TAFA4: variants seen among roughly 807,000 people sequenced by gnomAD.
TAFA4 encodes the protein chemokine-like protein TAFA-4.
In TAFA4, 20 loss-of-function variants were observed where a neutral mutation model predicts 21.1. The observed-to-expected ratio is 0.95, with a 90% CI of 0.67 to 1.38. The LOEUF is 1.38. TAFA4 is among the 40% of genes most tolerant of loss of function. The pLI is 0.00. For synonymous variants in TAFA4, 71 were observed against 67.4 expected, an observed-to-expected ratio of 1.05 and a Z score of -0.26; for missense variants, 211 against 180.9, an observed-to-expected ratio of 1.17 and a Z score of -0.95.
At chr3:68,849,474 A>G (rs1052935152) in intron 3 of TAFA4, among the ~76,000 whole-genome samples, 3 of 152,200 alleles carry the variant, frequency 2.0e-5, no homozygotes, top group African/African-American at 7.2e-5. Flanking sequence ...ACTCTGTGAG[A>G]GGCCCTAAGA....
At chr3:68,837,029 G>A (rs1443118494) in intron 3 of TAFA4, among the ~76,000 whole-genome samples, 1 of 152,206 alleles carries the variant, frequency 6.6e-6, no homozygotes, top group Non-Finnish European at 1.5e-5. Flanking sequence ...ATTTGTTTGA[G>A]TAAATAAAGT....
At chr3:68,873,832 T>C (rs1232314964) in intron 3 of TAFA4, among the ~76,000 whole-genome samples, 1 of 152,178 alleles carries the variant, frequency 6.6e-6, no homozygotes, top group Non-Finnish European at 1.5e-5. Flanking sequence ...AAGACACACC[T>C]CTTGACTCCT....
intron 1 of TAFA4, among the ~76,000 whole-genome samples, chr3:68,892,586 G>A (rs2089741315): frequency 6.6e-6 from 1 of 152,100 alleles, no homozygotes; most frequent in Non-Finnish European, 1.5e-5. Context: ...TACAAAGAAA[G>A]AAATAAGATT....
intron 3 of TAFA4, among the ~76,000 whole-genome samples, chr3:68,776,549 T>C (rs894611178): frequency 6.6e-6 from 1 of 152,322 alleles, no homozygotes; most frequent in Admixed American, 6.5e-5. Context: ...AAGAGACCAT[T>C]CTACATCCAT....
intron 3 of TAFA4, among the ~76,000 whole-genome samples, chr3:68,806,723 A>T (rs949683940): frequency 7.9e-5 from 12 of 152,102 alleles, no homozygotes; most frequent in African/African-American, 2.9e-4. Context: ...TCATGAATGC[A>T]ATCAGTGCCC....
chr3:68,888,927 C>T (rs1407925016), intron 1 of TAFA4, among the ~76,000 whole-genome samples: 1 of 152,172 alleles, frequency 6.6e-6, no homozygotes, highest in Non-Finnish European at 1.5e-5. Flanking sequence ...TTGGAAGGCA[C>T]ATTTAAACCA....
At chr3:68,735,563 T>A (rs1412582219) in intron 5 of TAFA4, among the ~76,000 whole-genome samples, 1 of 152,120 alleles carries the variant, frequency 6.6e-6, no homozygotes, top group Non-Finnish European at 1.5e-5. Context: ...CTGTGTTTTT[T>A]ACACGTTCCC....
At chr3:68,932,206 C>T (rs2090165368) in intron 1 of TAFA4, 34 bp downstream of exon 1, 1 of 152,148 alleles carries the variant, frequency 6.6e-6, no homozygotes. Context: ...ACCCCATCCT[C>T]TCGCCCCTCC....
At chr3:68,869,661 T>C (rs2089460665) in intron 3 of TAFA4, among the ~76,000 whole-genome samples, 1 of 152,036 alleles carries the variant, frequency 6.6e-6, no homozygotes, top group Non-Finnish European at 1.5e-5. Flanking sequence ...CAATTCAACA[T>C]TCTTTTATGA....
intron 3 of TAFA4, among the ~76,000 whole-genome samples, chr3:68,838,059 T>C (rs1704564121): frequency 6.6e-6 from 1 of 152,150 alleles, no homozygotes; most frequent in Non-Finnish European, 1.5e-5. Flanking sequence ...AAGTATACAA[T>C]ATATTATTAA....
chr3:68,761,652 G>A (rs1702757404), intron 3 of TAFA4, among the ~76,000 whole-genome samples: 1 of 152,190 alleles, frequency 6.6e-6, no homozygotes, highest in South Asian at 2.1e-4. Context: ...GGGCTGAGAA[G>A]CCACTGGATA....
At chr3:68,813,331 C>T (rs1021922671) in intron 3 of TAFA4, among the ~76,000 whole-genome samples, 1 of 152,118 alleles carries the variant, frequency 6.6e-6, no homozygotes, top group Non-Finnish European at 1.5e-5. Context: ...GAGAGCAGAA[C>T]TGAAGGAGAC....
intron 4 of TAFA4, among the ~76,000 whole-genome samples, chr3:68,748,512 G>T (rs1036739593): frequency 1.3e-5 from 2 of 152,208 alleles, no homozygotes; most frequent in African/African-American, 2.4e-5. Context: ...GGAGGCCAAG[G>T]CGGGTGGATC....
chr3:68,789,117 G>C (rs1703316844), intron 3 of TAFA4, among the ~76,000 whole-genome samples: 1 of 151,912 alleles, frequency 6.6e-6, no homozygotes, highest in African/African-American at 2.4e-5. Context: ...CCTAGTCCCA[G>C]CTACTAGGGG....
chr3:68,924,764 T>G (rs78379552), intron 1 of TAFA4, among the ~76,000 whole-genome samples: 8,775 of 152,110 alleles, frequency 0.058, 657 homozygotes, highest in East Asian at 0.18. Flanking sequence ...ACAAACATTC[T>G]CCAACGCAAA....
Position 68,828,790 on chromosome 3 carries a change from G to T in TAFA4, c.130+51940C>A, listed in dbSNP as rs150178573. On this transcript the variant is annotated intron_variant, in intron 3 of 5. Transcript: ENST00000295569. Reference sequence around the variant, plus strand: ...AGGAGATTTTGGGCTGAGACGATGGGGTTTTCTAAATATACAATCGTGTCA... The same window carrying T: ...AGGAGATTTTGGGCTGAGACGATGGTGTTTTCTAAATATACAATCGTGTCA... 3.9e-3 allele frequency among the ~76,000 whole-genome samples: 600 copies of T among 152,186 alleles called. 5 individuals carry two copies. Among genetic ancestry groups the T allele is most frequent in the African/African-American group, 0.014 (580 of 41,492 alleles).
chr3:68,798,918 A>G (rs1406129591), intron 3 of TAFA4, among the ~76,000 whole-genome samples: 1 of 152,228 alleles, frequency 6.6e-6, no homozygotes, highest in Non-Finnish European at 1.5e-5. Context: ...ATTGCAATTA[A>G]GTTTAAATAT....
chr3:68,896,069 G>A (rs909139917), intron 1 of TAFA4, among the ~76,000 whole-genome samples: 9 of 152,142 alleles, frequency 5.9e-5, no homozygotes, highest in African/African-American at 1.7e-4. Flanking sequence ...TAAGCTTGGT[G>A]TGTTCAGGAG....
At chr3:68,924,590 C>T (rs2090090378) in intron 1 of TAFA4, among the ~76,000 whole-genome samples, 1 of 152,106 alleles carries the variant, frequency 6.6e-6, no homozygotes, top group Admixed American at 6.5e-5. Flanking sequence ...GTACTTAACG[C>T]CACTGAAATG....
Sources: allele counts gnomAD v4.1 joint callset (sites outside exome capture counted in the v4.1 genomes callset), GRCh38; gene constraint gnomAD v4.1.1; transcripts MANE v1.5; gene names NCBI Gene and HGNC (gene_info 2026-07-23, HGNC 2026-07-21).